Variants in ALK observed in about 807,000 individuals in gnomAD.
The protein encoded by ALK is ALK tyrosine kinase receptor.
Under a neutral mutation model 163.1 loss-of-function variants are expected in ALK, and 74 were observed. That is an observed-to-expected ratio of 0.45 (90% CI 0.38 to 0.55). ALK has a LOEUF of 0.55. Among genes scored for constraint, ALK ranks in the 20% least tolerant of loss-of-function variants. The pLI is 0.00. For synonymous variants in ALK, 960 were observed against 843.2 expected (o/e 1.14, Z -2.40); for missense variants, 2,063 against 2,105.3 (o/e 0.98, Z 0.39).
At chr2:29,661,829 T>C (rs750540361) in intron 3 of ALK, among the ~76,000 whole-genome samples, 4 of 152,186 alleles carry the variant, frequency 2.6e-5, no homozygotes, top group African/African-American at 4.8e-5. Flanking sequence ...CAGAGGCCAA[T>C]GTAAGAAATG....
chr2:29,302,442 C>T (rs533417869), intron 8 of ALK, among the ~76,000 whole-genome samples: 2 of 152,232 alleles, frequency 1.3e-5, no homozygotes, highest in South Asian at 2.1e-4. Flanking sequence ...TGCTTCAACC[C>T]GGGAGGCGGA....
chr2:29,569,236 T>G (rs11694370), intron 3 of ALK, among the ~76,000 whole-genome samples: 17,193 of 152,162 alleles, frequency 0.11, 1,294 homozygotes, highest in Non-Finnish European at 0.17. Flanking sequence ...TCATTCACCC[T>G]TAGAGCATGG....
At chr2:29,549,458 C>T (rs62131121) in intron 3 of ALK, among the ~76,000 whole-genome samples, 20,316 of 152,084 alleles carry the variant, frequency 0.13, 1,766 homozygotes, top group East Asian at 0.34. Context: ...GATGCTATCC[C>T]CAGTTGTAGT....
intron 4 of ALK, among the ~76,000 whole-genome samples, chr2:29,515,325 T>A (rs950600057): frequency 1.3e-5 from 2 of 152,218 alleles, no homozygotes; most frequent in African/African-American, 4.8e-5. Flanking sequence ...AATTGTAATG[T>A]AGTATATATT....
intron 4 of ALK, among the ~76,000 whole-genome samples, chr2:29,472,292 A>G (rs886215286): frequency 2.0e-5 from 3 of 152,248 alleles, no homozygotes; most frequent in Non-Finnish European, 2.9e-5. Context: ...GTCATTGTGA[A>G]GCAGGGGCAA....
chr2:29,196,871 A>C lies in ALK; in HGVS notation c.4074-11T>G, dbSNP rs201675388. 29 of 1,594,960 alleles carry C rather than the reference A, an allele frequency of 1.8e-5. No homozygotes were observed. Among genetic ancestry groups the C allele is most frequent in the East Asian group, 6.7e-5 (3 of 44,802 alleles). On this transcript the variant is annotated splice_polypyrimidine_tract_variant and intron_variant, in intron 27 of 28. Coordinates refer to ENST00000389048, the MANE Select transcript of ALK (RefSeq NM_004304.5). ...GTCATTATCCGGTATCTAAAAGAAG[A>C]AGCACATTAATTAAAATAAGGAGAA... is the stretch of plus-strand genomic sequence containing the variant.
intron 4 of ALK, among the ~76,000 whole-genome samples, chr2:29,443,602 C>A (rs1234073713): frequency 6.6e-6 from 1 of 152,196 alleles, no homozygotes; most frequent in East Asian, 1.9e-4. Flanking sequence ...CAATTTCTCA[C>A]CCCTTAGGGT....
At chr2:29,687,366 A>T (rs539785062) in intron 3 of ALK, among the ~76,000 whole-genome samples, 43 of 152,180 alleles carry the variant, frequency 2.8e-4, no homozygotes, top group African/African-American at 9.6e-4. Context: ...GCAGGCAGGC[A>T]GGAAAATAAC....
intron 1 of ALK, among the ~76,000 whole-genome samples, chr2:29,915,849 A>G (rs1328631416): frequency 2.6e-5 from 4 of 152,232 alleles, no homozygotes; most frequent in Non-Finnish European, 2.9e-5. Context: ...CCCTGGATAT[A>G]CAGATCGCAC....
chr2:29,308,093 A>T (rs941889268), intron 8 of ALK, among the ~76,000 whole-genome samples: 1 of 151,094 alleles, frequency 6.6e-6, no homozygotes, highest in Non-Finnish European at 1.5e-5. Flanking sequence ...TTTTTTTTAC[A>T]ATGAATATCT....
chr2:29,662,956 G>A (rs942626025), intron 3 of ALK, among the ~76,000 whole-genome samples: 2 of 152,144 alleles, frequency 1.3e-5, no homozygotes, highest in African/African-American at 2.4e-5. Context: ...ATGTCCAGTA[G>A]ATAGTAGGGA....
chr2:29,327,996 C>A (rs1461263272), intron 6 of ALK, among the ~76,000 whole-genome samples: 5 of 152,052 alleles, frequency 3.3e-5, no homozygotes, highest in Admixed American at 3.3e-4. Flanking sequence ...GGATGAGGGG[C>A]AGGTGGGGAA....
At chr2:29,861,005 T>C (rs1421934711) in intron 1 of ALK, among the ~76,000 whole-genome samples, 1 of 152,060 alleles carries the variant, frequency 6.6e-6, no homozygotes, top group African/African-American at 2.4e-5. Flanking sequence ...ACCCTATCTC[T>C]ACAAAAAAAT....
rs1179785867 is a variant in ALK, at chr2:29,288,955, AAAATAAAT to A, written c.1817+7925_1817+7932del. On this transcript the variant is annotated intron_variant, in intron 9 of 28. Transcript: ENST00000389048. ...CGACAGAGGGAGACTCCTTCTCAAA[AAAATAAAT>A]AAATAAATAAATAAATAAATAAATA... 1.4e-3 allele frequency among the ~76,000 whole-genome samples: 37 copies of A among 26,824 alleles called. 3 individuals carry two copies. Among genetic ancestry groups the A allele is most frequent in the African/African-American group, 1.8e-3 (32 of 18,124 alleles). The allele number at this position is 26,824 out of a possible 152,430, so 17.6% of individuals were successfully genotyped here.
intron 1 of ALK, among the ~76,000 whole-genome samples, chr2:29,815,567 A>T (rs1664876723): frequency 6.6e-6 from 1 of 152,208 alleles, no homozygotes. Context: ...GTTGGGCTGT[A>T]GAAAGGTCTC....
At chr2:29,794,204 G>A (rs57083265) in intron 1 of ALK, among the ~76,000 whole-genome samples, 1,840 of 152,024 alleles carry the variant, frequency 0.012, 32 homozygotes, top group African/African-American at 0.042. Context: ...CTTCAACCTC[G>A]TGAACCAACC....
intron 24 of ALK, among the ~76,000 whole-genome samples, chr2:29,212,686 T>A (rs1348577819): frequency 6.6e-6 from 1 of 152,190 alleles, no homozygotes; most frequent in East Asian, 1.9e-4. Context: ...TATATTTGCA[T>A]GATTTTCTAT....
chr2:29,765,589 G>A (rs1191928654), intron 1 of ALK, among the ~76,000 whole-genome samples: 1 of 152,030 alleles, frequency 6.6e-6, no homozygotes, highest in Admixed American at 6.6e-5. Context: ...TGGGATTACA[G>A]GCATAAGCCA....
intron 4 of ALK, among the ~76,000 whole-genome samples, chr2:29,521,350 C>G (rs950816885): frequency 6.6e-6 from 1 of 152,182 alleles, no homozygotes; most frequent in Non-Finnish European, 1.5e-5. Context: ...CACCACAAGA[C>G]TTCCCCACTG....
Sources: allele counts gnomAD v4.1 joint callset (sites outside exome capture counted in the v4.1 genomes callset), GRCh38; gene constraint gnomAD v4.1.1; transcripts MANE v1.5; gene names NCBI Gene and HGNC (gene_info 2026-07-23, HGNC 2026-07-21).